The following CDC42BPA variants were observed in gnomAD, a reference collection of about 807,000 sequenced individuals.
CDC42BPA encodes CDC42 binding protein kinase alpha.
A neutral mutation model predicts 223.5 loss-of-function variants in CDC42BPA; 80 were observed. The ratio of observed to expected loss-of-function variants is 0.36; its 90% CI spans 0.30 to 0.43. The LOEUF (loss-of-function observed/expected upper bound fraction) is 0.43, where lower values mean the gene tolerates loss of function less well. Among genes scored for constraint, CDC42BPA ranks in the 20% least tolerant of loss-of-function variants. The pLI is 1.00. For synonymous variants in CDC42BPA, 694 were observed against 718.6 expected, an observed-to-expected ratio of 0.97 and a Z score of 0.55; for missense variants, 1,743 against 2,099.9, an observed-to-expected ratio of 0.83 and a Z score of 3.32.
At chr1:227,213,274 G>T in intron 2 of CDC42BPA, 55 bp from the exon 3 acceptor site, 2 of 930,026 alleles carry the variant, frequency 2.2e-6, no homozygotes, top group Non-Finnish European at 3.3e-6. Context: ...AATTTTTTCA[G>T]CCATCCATTT....
At chr1:227,274,365 G>A (rs1302873836) in intron 1 of CDC42BPA, among the ~76,000 whole-genome samples, 4 of 152,120 alleles carry the variant, frequency 2.6e-5, no homozygotes, top group African/African-American at 7.2e-5. Flanking sequence ...TCCTTAGGAA[G>A]AGCATAAAAG....
chr1:227,309,204 A>C (rs201270970), intron 1 of CDC42BPA, among the ~76,000 whole-genome samples: 2 of 13,756 alleles, frequency 1.5e-4, no homozygotes. Flanking sequence ...TATCTCTACC[A>C]AAAAAAAAAA....
chr1:227,096,224 C>T (rs892714486), intron 15 of CDC42BPA, among the ~76,000 whole-genome samples: 1 of 152,134 alleles, frequency 6.6e-6, no homozygotes, highest in Non-Finnish European at 1.5e-5. Context: ...GTTTAGGAAG[C>T]TTTCCTAACA....
intron 22 of CDC42BPA, 57 bp downstream of exon 22, chr1:227,051,824 T>G (rs562722002): frequency 3.1e-6 from 3 of 973,152 alleles, no homozygotes; most frequent in African/African-American, 3.3e-5. Flanking sequence ...TTTATTCAAT[T>G]CCCTCTTTTC....
At chr1:227,265,243 T>C in intron 1 of CDC42BPA, 1 of 554,306 alleles carries the variant, frequency 1.8e-6, no homozygotes, top group Non-Finnish European at 3.3e-6. Context: ...AGGTGTTAGT[T>C]TGATTGCCGC....
intron 2 of CDC42BPA, among the ~76,000 whole-genome samples, chr1:227,253,607 A>C (rs75318616): frequency 0.015 from 1,721 of 116,466 alleles, 49 homozygotes; most frequent in African/African-American, 0.053. Flanking sequence ...AAAATAAATA[A>C]ATACATACAT....
chr1:227,256,733 C>G (rs1037513964), intron 1 of CDC42BPA, among the ~76,000 whole-genome samples: 1 of 152,086 alleles, frequency 6.6e-6, no homozygotes, highest in Non-Finnish European at 1.5e-5. Flanking sequence ...CTTTGTAAAA[C>G]AGTTGGGTAG....
intron 1 of CDC42BPA, among the ~76,000 whole-genome samples, chr1:227,280,102 A>C (rs1157068455): frequency 6.6e-6 from 1 of 152,166 alleles, no homozygotes; most frequent in East Asian, 1.9e-4. Flanking sequence ...AAATGGAATT[A>C]AAACCTTGTA....
chr1:227,148,082 G>A (rs10799391), intron 6 of CDC42BPA, among the ~76,000 whole-genome samples: 31,181 of 152,096 alleles, frequency 0.21, 3,287 homozygotes, highest in Middle Eastern at 0.26. Context: ...AAAAGAAGAG[G>A]TATATCCTTC....
chr1:227,188,986 T>C (rs1264586633), intron 5 of CDC42BPA, among the ~76,000 whole-genome samples: 2 of 152,194 alleles, frequency 1.3e-5, no homozygotes, highest in East Asian at 3.9e-4. Flanking sequence ...CTCTATACTT[T>C]CCACTCAATT....
At chr1:227,005,928 TA>T (rs771770318) in intron 34 of CDC42BPA, among the ~76,000 whole-genome samples, 41 of 152,220 alleles carry the variant, frequency 2.7e-4, no homozygotes, top group Non-Finnish European at 4.0e-4. Flanking sequence ...GCTGTCTGAT[TA>T]CGGTTGAGAA....
At chr1:227,040,379 T>C (rs12123516) in intron 23 of CDC42BPA, 143 bp from the exon 24 acceptor site, 8,352 of 598,560 alleles carry the variant, frequency 0.014, 74 homozygotes, top group Non-Finnish European at 0.019. Flanking sequence ...CATCTTCTTA[T>C]AGTTTATGGT....
At position 227,060,772 on chromosome 1, in the gene CDC42BPA, G is replaced by A. The variant is rs542884335; in HGVS notation, c.2905-8787C>T. On this transcript the variant is annotated intron_variant, in intron 21 of 36. Transcript: ENST00000366766. ...AGAGTCTTGCTCTGTCACCCAGGTG[G>A]ATGCAGTGGTGCGATCTCGGCTCAC... 2.1e-5 allele frequency among the ~76,000 whole-genome samples: 3 copies of A among 140,020 alleles called. No individual in the cohort carries two copies. The South Asian group carries it at 6.8e-4, about 32-fold the overall frequency. The allele number at this position is 140,020 out of a possible 152,430, so 91.9% of individuals were successfully genotyped here.
intron 1 of CDC42BPA, among the ~76,000 whole-genome samples, chr1:227,261,862 G>T (rs886102217): frequency 2.0e-5 from 3 of 152,072 alleles, no homozygotes; most frequent in African/African-American, 7.2e-5. Context: ...GGTGTTGGTG[G>T]GGGGCAGCAT....
intron 1 of CDC42BPA, among the ~76,000 whole-genome samples, chr1:227,284,818 C>T (rs371382642): frequency 6.6e-6 from 1 of 151,880 alleles, no homozygotes; most frequent in Non-Finnish European, 1.5e-5. Flanking sequence ...AAAAATTAGC[C>T]GGGCATGATG....
At chr1:227,142,680 C>T (rs191515984) in intron 9 of CDC42BPA, among the ~76,000 whole-genome samples, 6 of 151,906 alleles carry the variant, frequency 3.9e-5, no homozygotes, top group Non-Finnish European at 7.4e-5. Context: ...ACTGCAATGG[C>T]GCAGTCTCGG....
Position 227,004,791 on chromosome 1 carries a change from A to G in CDC42BPA, c.4975+203T>C, listed in dbSNP as rs1012207699. The G allele has an allele frequency of 1.3e-4, 85 of 676,316 alleles. No individual in the cohort carries two copies. In the African/African-American group the frequency reaches 1.4e-3, roughly 11 times the overall value. 41.9% of individuals were successfully genotyped at this position (676,316 alleles called of 1,614,324 possible). A position where few individuals can be genotyped will look rare whatever the true frequency, so the allele number is the denominator to read the frequency against. On this transcript the variant is annotated intron_variant, in intron 35 of 36. Transcript: ENST00000366766. Reference sequence around the variant, plus strand: ...TGTCTGTCTCCCAGATGGCCTGTACACTCTAGAAGGACTCTGGGACTATTT... The same window carrying G: ...TGTCTGTCTCCCAGATGGCCTGTACGCTCTAGAAGGACTCTGGGACTATTT...
intron 5 of CDC42BPA, among the ~76,000 whole-genome samples, chr1:227,169,976 A>C (rs1467894867): frequency 6.6e-6 from 1 of 152,166 alleles, no homozygotes; most frequent in African/African-American, 2.4e-5. Flanking sequence ...AAGTTTTATG[A>C]ATACAGAAAA....
chr1:227,241,566 G>A (rs148554307), intron 2 of CDC42BPA, among the ~76,000 whole-genome samples: 86 of 152,206 alleles, frequency 5.7e-4, no homozygotes, highest in African/African-American at 2.0e-3. Flanking sequence ...GTGAAAGGTG[G>A]ACACAAAAGA....
Sources: gnomAD v4.1 joint callset for allele counts (sites outside exome capture counted in the v4.1 genomes callset) on GRCh38, gnomAD v4.1.1 for gene constraint, MANE v1.5 for transcripts, NCBI Gene and HGNC (gene_info 2026-07-23, HGNC 2026-07-21) for gene names.